The following NOL4 variants were observed in gnomAD, a reference collection of about 807,000 sequenced individuals.
NOL4 encodes nucleolar protein 4.
Under a neutral mutation model 75.9 loss-of-function variants are expected in NOL4, and 17 were observed. The observed-to-expected ratio is 0.22, with a 90% CI of 0.15 to 0.34. NOL4 has a LOEUF of 0.34. Among genes scored for constraint, NOL4 ranks in the 10% least tolerant of loss-of-function variants. The probability of loss-of-function intolerance (pLI) is 1.00; values close to 1 mark genes in which losing one functional copy is unlikely to be tolerated. For synonymous variants in NOL4, 292 were observed against 289.9 expected (o/e 1.01, Z -0.07); for missense variants, 614 against 793.5 (o/e 0.77, Z 2.72).
intron 5 of NOL4, among the ~76,000 whole-genome samples, chr18:34,035,511 TAGAA>T (rs539469145): frequency 1.2e-4 from 19 of 152,068 alleles, no homozygotes; most frequent in African/African-American, 4.3e-4. Flanking sequence ...ATTTAAAAAG[TAGAA>T]AGATTTCAAA....
At chr18:33,877,766 A>G (rs1031728309) in intron 10 of NOL4, among the ~76,000 whole-genome samples, 1 of 151,854 alleles carries the variant, frequency 6.6e-6, no homozygotes, top group Admixed American at 6.6e-5. Flanking sequence ...CAAATTTCCT[A>G]TGTGGCTTTT....
Position 34,223,434 on chromosome 18 carries a change from G to T in NOL4, c.-181C>A. ...GGGAGGAGGGTCCGGTTGGGCACCA[G>T]CAATCAATGCCCCGTGCTACCAAGT... On this transcript the variant is annotated 5_prime_UTR_variant, in exon 1 of 11. It adds an upstream start codon to the 5' untranslated region. Transcript: ENST00000261592. 1.4e-6 allele frequency: 1 copy of T among 723,910 alleles called. No individual in the cohort carries two copies. The highest frequency in any genetic ancestry group is 2.2e-6 in the Non-Finnish European group (1 of 449,388). The allele number at this position is 723,910 out of a possible 1,614,324, so 44.8% of individuals were successfully genotyped here.
intron 10 of NOL4, among the ~76,000 whole-genome samples, chr18:33,860,102 G>C (rs919998553): frequency 1.3e-5 from 2 of 152,000 alleles, no homozygotes; most frequent in Non-Finnish European, 2.9e-5. Flanking sequence ...AGGTGGAACT[G>C]TCAAACACTT....
At chr18:34,131,315 T>C (rs1217083247) in intron 1 of NOL4, among the ~76,000 whole-genome samples, 1 of 152,164 alleles carries the variant, frequency 6.6e-6, no homozygotes, top group African/African-American at 2.4e-5. Context: ...TATTTATTCA[T>C]TTATTTTTCT....
At position 34,023,236 on chromosome 18, in the gene NOL4, A is replaced by G. The variant is rs1600286063; in HGVS notation, c.773-3635T>C. ...TTGATGTCTTTATTTTAAAAATACC[A>G]TATAGAACAGTAAGCAGATATTAAA... On this transcript the variant is annotated intron_variant, in intron 5 of 10. Coordinates refer to ENST00000261592, the MANE Select transcript of NOL4 (RefSeq NM_003787.5). Among the ~76,000 whole-genome samples the G allele has an allele frequency of 3.3e-5, 5 of 152,356 alleles. No homozygotes were observed. The South Asian group carries it at 1.0e-3, about 32-fold the overall frequency.
intron 5 of NOL4, among the ~76,000 whole-genome samples, chr18:34,033,184 T>C (rs149322715): frequency 5.3e-5 from 8 of 152,212 alleles, no homozygotes; most frequent in African/African-American, 1.9e-4. Context: ...AGGGCCATAA[T>C]TTTCCAGCAA....
intron 6 of NOL4, 36 bp downstream of exon 6, chr18:34,019,282 A>T: frequency 1.3e-6 from 2 of 1,590,960 alleles, no homozygotes; most frequent in East Asian, 4.5e-5. Context: ...CTTCATGACC[A>T]ACTCAAAAAT....
At chr18:34,216,064 G>A (rs921993210) in intron 1 of NOL4, among the ~76,000 whole-genome samples, 1 of 152,110 alleles carries the variant, frequency 6.6e-6, no homozygotes, top group African/African-American at 2.4e-5. Flanking sequence ...CCTGACCTGT[G>A]TTGTTCAAGG....
intron 9 of NOL4, among the ~76,000 whole-genome samples, chr18:33,916,362 C>A (rs1187269751): frequency 6.6e-6 from 1 of 152,052 alleles, no homozygotes; most frequent in Admixed American, 6.6e-5. Flanking sequence ...ACTCTTCAGC[C>A]TCTCGGGCTG....
In NOL4 at chr18:33,943,125, A is replaced by C. The variant is rs762880240; in HGVS notation, c.1482T>G (p.Ala494=). 2.8e-5 allele frequency: 45 copies of C among 1,611,652 alleles called. No individual in the cohort carries two copies. Among genetic ancestry groups the C allele is most frequent in the Admixed American group, 1.2e-4 (7 of 59,738 alleles). ...LTSAVAESIL[A]SACESESRNA... ...TTCTACTCTCACTCTCACAAGCTGA[A>C]GCCAAGATACTCTCTGCAACTGCTG... is the stretch of plus-strand genomic sequence containing the variant. Residue 494 remains alanine (A), a synonymous_variant, in exon 9 of 11, where the codon GCT becomes GCG. Coordinates refer to ENST00000261592, the MANE Select transcript of NOL4 (RefSeq NM_003787.5).
At chr18:34,180,479 T>C (rs1600811990) in intron 1 of NOL4, among the ~76,000 whole-genome samples, 2 of 151,412 alleles carry the variant, frequency 1.3e-5, no homozygotes, top group East Asian at 3.9e-4. Flanking sequence ...TAAAGAAACA[T>C]CCTCCACCTG....
intron 6 of NOL4, among the ~76,000 whole-genome samples, chr18:33,983,233 A>G (rs921846276): frequency 6.6e-6 from 1 of 152,112 alleles, no homozygotes; most frequent in East Asian, 1.9e-4. Flanking sequence ...ATTTTAAGAT[A>G]CTGAAACTAT....
chr18:34,046,049 G>A (rs1009599987), intron 5 of NOL4, among the ~76,000 whole-genome samples: 1 of 151,992 alleles, frequency 6.6e-6, no homozygotes, highest in Admixed American at 6.6e-5. Context: ...CCCTAGCAGA[G>A]GTTTCTGTTG....
intron 6 of NOL4, among the ~76,000 whole-genome samples, chr18:33,969,999 C>T (rs570010543): frequency 6.6e-6 from 1 of 152,258 alleles, no homozygotes; most frequent in South Asian, 2.1e-4. Context: ...GCGTTGAAAT[C>T]GCCCAAAGGA....
intron 10 of NOL4, among the ~76,000 whole-genome samples, chr18:33,873,522 TTC>T: frequency 6.6e-6 from 1 of 152,040 alleles, no homozygotes; most frequent in Admixed American, 6.6e-5. Flanking sequence ...TATGAAACAT[TTC>T]CCTTCTTCCA....
intron 1 of NOL4, among the ~76,000 whole-genome samples, chr18:34,180,284 G>A (rs190013246): frequency 1.3e-5 from 2 of 151,628 alleles, no homozygotes; most frequent in East Asian, 3.9e-4. Flanking sequence ...AAAAGCATAT[G>A]CTATCACCAT....
At chr18:34,075,631 G>A (rs1476967715) in intron 5 of NOL4, among the ~76,000 whole-genome samples, 1 of 152,126 alleles carries the variant, frequency 6.6e-6, no homozygotes. Context: ...GTGGGGAAGA[G>A]GCTACACTCC....
Position 33,852,113 on chromosome 18 carries a change from C to T in NOL4, c.*729G>A, listed in dbSNP as rs542735748. ...GGGGTTTTTGAGATCAGCATGAGAG[C>T]AGAAATGCAGGCTTCTCTTGGAAGT... On this transcript the variant is annotated 3_prime_UTR_variant, in exon 11 of 11. Coordinates refer to ENST00000261592, the MANE Select transcript of NOL4 (RefSeq NM_003787.5). 1.3e-5 allele frequency: 2 copies of T among 152,358 alleles called. No homozygotes were observed. Among genetic ancestry groups the T allele is most frequent in the South Asian group, 4.2e-4 (2 of 4,814 alleles). The allele number at this position is 152,358 out of a possible 1,614,324, so 9.4% of individuals were successfully genotyped here. A position where few individuals can be genotyped will look rare whatever the true frequency, so the allele number is the denominator to read the frequency against.
Position 34,223,408 on chromosome 18 carries a change from G to C in NOL4, c.-155C>G. 1 of 1,043,596 alleles carries C rather than the reference G, an allele frequency of 9.6e-7. No individual in the cohort carries two copies. The highest frequency in any genetic ancestry group is 1.4e-6 in the Non-Finnish European group (1 of 735,584). 64.6% of individuals were successfully genotyped at this position (1,043,596 alleles called of 1,614,324 possible). ...TTGGGTGGGGGAAGGGATGGGAAGA[G>C]GGGAGGAGGGTCCGGTTGGGCACCA... is the stretch of plus-strand genomic sequence containing the variant. On this transcript the variant is annotated 5_prime_UTR_variant, in exon 1 of 11. Coordinates refer to ENST00000261592, the MANE Select transcript of NOL4 (RefSeq NM_003787.5).
Sources: allele counts gnomAD v4.1 joint callset (sites outside exome capture counted in the v4.1 genomes callset), GRCh38; gene constraint gnomAD v4.1.1; transcripts MANE v1.5; gene names NCBI Gene and HGNC (gene_info 2026-07-23, HGNC 2026-07-21).